The following NEK11 variants were observed in gnomAD, a reference collection of about 807,000 sequenced individuals.
NEK11 encodes serine/threonine-protein kinase Nek11.
Under a neutral mutation model 80.7 loss-of-function variants are expected in NEK11, and 72 were observed. The observed-to-expected ratio is 0.89, with a 90% CI of 0.74 to 1.08. The LOEUF (loss-of-function observed/expected upper bound fraction) is 1.08, where lower values mean the gene tolerates loss of function less well. Among genes scored for constraint, NEK11 ranks in the 50% least tolerant of loss-of-function variants. The pLI, the probability that NEK11 is intolerant of heterozygous loss-of-function variation, is 0.00. For synonymous variants in NEK11, 251 were observed against 260.7 expected (o/e 0.96, Z 0.36); for missense variants, 764 against 763.6 (o/e 1.00, Z -0.01).
intron 17 of NEK11, among the ~76,000 whole-genome samples, chr3:131,341,166 AGT>A (rs938818938): frequency 2.8e-4 from 42 of 152,218 alleles, no homozygotes; most frequent in Admixed American, 1.0e-3. Flanking sequence ...TGCAGAATAT[AGT>A]GTGTTTTCCA....
At chr3:131,265,095 C>T (rs2096019832) in intron 16 of NEK11, among the ~76,000 whole-genome samples, 3 of 152,196 alleles carry the variant, frequency 2.0e-5, no homozygotes, top group Admixed American at 2.0e-4. Context: ...AGTTGCTTAT[C>T]AGCTGAAGTA....
At chr3:131,035,740 A>C (rs1278649720) in intron 3 of NEK11, among the ~76,000 whole-genome samples, 1 of 152,228 alleles carries the variant, frequency 6.6e-6, no homozygotes, top group African/African-American at 2.4e-5. Flanking sequence ...GAGAAGCTGT[A>C]TATCTAATGA....
intron 7 of NEK11, among the ~76,000 whole-genome samples, chr3:131,149,459 G>A (rs1366768519): frequency 1.4e-4 from 22 of 152,024 alleles, no homozygotes; most frequent in South Asian, 2.1e-4. Context: ...ATGGTAGAAC[G>A]ATTTGTATTC....
intron 14 of NEK11, among the ~76,000 whole-genome samples, chr3:131,180,761 T>C (rs953406157): frequency 2.0e-5 from 3 of 152,234 alleles, no homozygotes; most frequent in Non-Finnish European, 2.9e-5. Flanking sequence ...GAAATTATGA[T>C]ATGCCGTCTA....
intron 3 of NEK11, among the ~76,000 whole-genome samples, chr3:131,069,701 A>T (rs997333810): frequency 6.6e-6 from 1 of 151,712 alleles, no homozygotes; most frequent in Non-Finnish European, 1.5e-5. Context: ...ATTGGAAATC[A>T]TCATTCTCAG....
chr3:131,192,602 C>T (rs979190935), intron 14 of NEK11, among the ~76,000 whole-genome samples: 1 of 152,106 alleles, frequency 6.6e-6, no homozygotes, highest in African/African-American at 2.4e-5. Flanking sequence ...ATTATTCAGC[C>T]TTGAAAAGGA....
intron 16 of NEK11, among the ~76,000 whole-genome samples, chr3:131,269,641 A>G (rs915786303): frequency 1.3e-5 from 2 of 151,008 alleles, no homozygotes; most frequent in South Asian, 4.2e-4. Flanking sequence ...TGTTGATCTC[A>G]CTGGCAGCTG....
chr3:131,136,493 G>C (rs1390377284), intron 7 of NEK11, among the ~76,000 whole-genome samples: 2 of 152,042 alleles, frequency 1.3e-5, no homozygotes, highest in African/African-American at 4.8e-5. Context: ...CAGGTGTTTT[G>C]TTTTAGCACT....
At chr3:131,244,334 T>C (rs889024340) in intron 16 of NEK11, among the ~76,000 whole-genome samples, 1 of 152,182 alleles carries the variant, frequency 6.6e-6, no homozygotes, top group African/African-American at 2.4e-5. Flanking sequence ...TTTTCTCACC[T>C]GACCATCACC....
At chr3:131,335,980 AATGGAAGAACATTCC>A (rs1248470434) in intron 17 of NEK11, among the ~76,000 whole-genome samples, 1 of 152,244 alleles carries the variant, frequency 6.6e-6, no homozygotes, top group Non-Finnish European at 1.5e-5. Context: ...GATACAAAGA[AATGGAAGAACATTCC>A]ATGCTCATGG....
intron 11 of NEK11, among the ~76,000 whole-genome samples, chr3:131,163,605 G>A (rs2091899183): frequency 6.6e-6 from 1 of 152,126 alleles, no homozygotes; most frequent in Non-Finnish European, 1.5e-5. Flanking sequence ...ATGGGGAAAT[G>A]TTGTCAAAAG....
chr3:131,228,641 G>T lies in NEK11; in HGVS notation c.1513G>T (p.Glu505Ter). The part of the protein sequence containing the change: ...EEIALERPEK[E>*]IRNEGSQPAY... ...AATAGCGTTAGAAAGACCAGAGAAA[G>T]AAATCAGGAATGAGGGATCCCAGCC... is the stretch of plus-strand genomic sequence containing the variant. The change falls in exon 15 of 18, where the codon GAA becomes TAA. Residue 505 changes from glutamate (E) to a stop codon, truncating the protein, a stop_gained. Coordinates refer to ENST00000383366, the MANE Select transcript of NEK11 (RefSeq NM_024800.5). LOFTEE classifies it high-confidence loss of function. 2 of 1,613,638 alleles carry T rather than the reference G, an allele frequency of 1.2e-6. No individual in the cohort carries two copies. The highest frequency in any genetic ancestry group is 2.2e-5 in the East Asian group (1 of 44,850).
chr3:131,094,788 T>C (rs2077202318), intron 4 of NEK11, among the ~76,000 whole-genome samples: 1 of 152,134 alleles, frequency 6.6e-6, no homozygotes. Flanking sequence ...ATCATCTGAG[T>C]GTTTTATTGT....
chr3:131,044,139 AAAAC>A (rs2066967609), intron 3 of NEK11, among the ~76,000 whole-genome samples: 1 of 152,188 alleles, frequency 6.6e-6, no homozygotes, highest in Non-Finnish European at 1.5e-5. Context: ...AGCCACTGCA[AAAAC>A]AAACCAAAAT....
intron 17 of NEK11, among the ~76,000 whole-genome samples, chr3:131,344,261 C>G (rs1013778908): frequency 6.6e-6 from 1 of 152,200 alleles, no homozygotes; most frequent in South Asian, 2.1e-4. Context: ...AGGGCATAGA[C>G]AGAATGCAGC....
intron 14 of NEK11, among the ~76,000 whole-genome samples, chr3:131,201,212 CAT>C (rs371650500): frequency 1.7e-4 from 25 of 145,716 alleles, no homozygotes; most frequent in East Asian, 4.0e-4. Context: ...TATATACTTT[CAT>C]ATATATATAT....
At position 131,318,739 on chromosome 3, in the gene NEK11, GTA is replaced by G. The variant is rs35126140; in HGVS notation, c.1719-30800_1719-30799del. On this transcript the variant is annotated intron_variant, in intron 17 of 17. Transcript: ENST00000383366. ...TTGTTTAGTATGCGTGTGTACATGT[GTA>G]TATATATATATATATATTTATAAAA... Among the ~76,000 whole-genome samples, 831 of 145,410 alleles carry G rather than the reference GTA, an allele frequency of 5.7e-3. 3 individuals are homozygous for G. The highest frequency in any genetic ancestry group is 9.4e-3 in the African/African-American group (374 of 39,858).
intron 15 of NEK11, among the ~76,000 whole-genome samples, chr3:131,229,202 T>C (rs1291748067): frequency 6.6e-6 from 1 of 152,140 alleles, no homozygotes; most frequent in Non-Finnish European, 1.5e-5. Context: ...ACATTCTTGC[T>C]TAAGTGGTGA....
At chr3:131,264,854 T>G (rs1212966801) in intron 16 of NEK11, among the ~76,000 whole-genome samples, 6 of 152,214 alleles carry the variant, frequency 3.9e-5, no homozygotes, top group Non-Finnish European at 5.9e-5. Context: ...GAGCATGGAA[T>G]GATTTTCCAT....
Sources: gnomAD v4.1 joint callset for allele counts (sites outside exome capture counted in the v4.1 genomes callset) on GRCh38, gnomAD v4.1.1 for gene constraint, MANE v1.5 for transcripts, NCBI Gene and HGNC (gene_info 2026-07-23, HGNC 2026-07-21) for gene names.